The following RPH3AL variants were observed in gnomAD, a reference collection of about 807,000 sequenced individuals.
RPH3AL encodes the protein rabphilin 3A like (without C2 domains), also known as rab effector Noc2.
Under a neutral mutation model 43.1 loss-of-function variants are expected in RPH3AL, and 38 were observed. That is an observed-to-expected ratio of 0.88 (90% confidence interval 0.68 to 1.15). The LOEUF is 1.15. RPH3AL is among the 50% of genes most tolerant of loss of function. RPH3AL has a pLI of 0.00. For synonymous variants in RPH3AL, 189 were observed against 176.3 expected, an observed-to-expected ratio of 1.07 and a Z score of -0.57; for missense variants, 462 against 423.2, an observed-to-expected ratio of 1.09 and a Z score of -0.81.
intron 6 of RPH3AL, among the ~76,000 whole-genome samples, chr17:278,575 T>C (rs2042711312): frequency 6.6e-6 from 1 of 152,066 alleles, no homozygotes. Flanking sequence ...ATGCTTCAGA[T>C]CTCCATTCAA....
chr17:324,275 T>A (rs2044557348), intron 3 of RPH3AL, among the ~76,000 whole-genome samples: 1 of 152,186 alleles, frequency 6.6e-6, no homozygotes, highest in Non-Finnish European at 1.5e-5. Flanking sequence ...CCCACGTTCC[T>A]GCCTCCACCT....
rs998380925 is a variant in RPH3AL at position 289,541 on chromosome 17, A to G, written c.352-7687T>C. Among the ~76,000 whole-genome samples, 1 of 152,054 alleles carries G rather than the reference A, an allele frequency of 6.6e-6. No individual in the cohort carries two copies. The highest frequency in any genetic ancestry group is 1.5e-5 in the Non-Finnish European group (1 of 68,018). On this transcript the variant is annotated intron_variant, in intron 5 of 9. Coordinates refer to ENST00000331302, the MANE Select transcript of RPH3AL (RefSeq NM_006987.4). The surrounding 1 kb of genome is among the most constrained non-coding windows in gnomAD (Gnocchi z 5.2). ...GGTTCCCGACATGGCAGCCAGGCCGATTTTCTCAAGAGGCAAATCTAATCA... is the reference window on the plus strand; with the variant it reads ...GGTTCCCGACATGGCAGCCAGGCCGGTTTTCTCAAGAGGCAAATCTAATCA...
intron 5 of RPH3AL, among the ~76,000 whole-genome samples, chr17:303,022 C>A (rs1454624905): frequency 3.3e-5 from 5 of 152,162 alleles, no homozygotes; most frequent in Admixed American, 3.3e-4. Context: ...TATGAGGCAT[C>A]CAAGTCAGAC....
At chr17:236,940 C>T (rs1036429556) in intron 7 of RPH3AL, among the ~76,000 whole-genome samples, 1 of 152,260 alleles carries the variant, frequency 6.6e-6, no homozygotes, top group Non-Finnish European at 1.5e-5. Context: ...CCCTGGTCAG[C>T]CTTCCCCTCC....
At chr17:280,395 A>G (rs2042750032) in intron 6 of RPH3AL, among the ~76,000 whole-genome samples, 1 of 152,214 alleles carries the variant, frequency 6.6e-6, no homozygotes, top group South Asian at 2.1e-4. Context: ...GCCCAGCAGC[A>G]GCAGGGCCTG....
rs746779967 is a variant in RPH3AL, at chr17:281,748, C to T, written c.438+20G>A. The T allele has an allele frequency of 1.3e-5, 21 of 1,606,010 alleles. No individual in the cohort carries two copies. The highest frequency in any genetic ancestry group is 4.5e-5 in the East Asian group (2 of 44,834). On this transcript the variant is annotated intron_variant, in intron 6 of 9. Transcript: ENST00000331302. The stretch of plus-strand genomic sequence containing the variant: ...ATCCAGCCCACTCAGCCCTCCCCAC[C>T]GTCACCCTGGACGCCCTACCTCTCT...
chr17:319,232 A>T (rs2044389347), intron 5 of RPH3AL, among the ~76,000 whole-genome samples, 188 bp downstream of exon 5: 1 of 152,206 alleles, frequency 6.6e-6, no homozygotes, highest in African/African-American at 2.4e-5. Flanking sequence ...CCAAGCTGAG[A>T]CGCAGAGCTG....
In RPH3AL at chr17:311,243, C is replaced by T. The variant is rs181925481; in HGVS notation, c.351+8177G>A. The stretch of plus-strand genomic sequence containing the variant: ...TGGAGCATGCCCCGTCCCTCCTCCT[C>T]GGTCCACTGTTCCTAAGTCGAATCT... On this transcript the variant is annotated intron_variant, in intron 5 of 9. Transcript: ENST00000331302. Among the ~76,000 whole-genome samples the T allele has an allele frequency of 2.5e-3, 374 of 152,330 alleles. 1 individual carries two copies. Among genetic ancestry groups the T allele is most frequent in the African/African-American group, 8.2e-3 (342 of 41,566 alleles).
At chr17:220,424 T>G (rs2040939116) in intron 7 of RPH3AL, among the ~76,000 whole-genome samples, 9 of 126,756 alleles carry the variant, frequency 7.1e-5, no homozygotes, top group South Asian at 2.6e-4. Context: ...CTCGGAGGCC[T>G]CCACTCGGTG....
At chr17:305,749 A>T (rs561729363) in intron 5 of RPH3AL, among the ~76,000 whole-genome samples, 1 of 152,054 alleles carries the variant, frequency 6.6e-6, no homozygotes, top group Admixed American at 6.5e-5. Context: ...CTCCCAGGTT[A>T]CTCACATCAC....
Position 323,295 on chromosome 17 carries a change from G to A in RPH3AL, c.78-1880C>T, listed in dbSNP as rs369867140. ...AAAAACTGCAATGCCCTAGACCAAC[G>A]CTTTCCAAGCAGTGCTCACGGTGCT... On this transcript the variant is annotated intron_variant, in intron 3 of 9. Coordinates refer to ENST00000331302, the MANE Select transcript of RPH3AL (RefSeq NM_006987.4). The surrounding 1 kb of genome is among the most constrained non-coding windows in gnomAD (Gnocchi z 4.4). Among the ~76,000 whole-genome samples the A allele has an allele frequency of 2.0e-5, 3 of 151,860 alleles. No individual in the cohort carries two copies. The highest frequency in any genetic ancestry group is 1.3e-4 in the Admixed American group (2 of 15,260).
chr17:280,038 C>G (rs73278927), intron 6 of RPH3AL, among the ~76,000 whole-genome samples: 2 of 152,134 alleles, frequency 1.3e-5, no homozygotes, highest in African/African-American at 4.8e-5. Flanking sequence ...TCCAAAGACA[C>G]GGAAGTGATA....
At position 322,048 on chromosome 17, in the gene RPH3AL, A is replaced by C. The variant is rs2044496583; in HGVS notation, c.78-633T>G. Among the ~76,000 whole-genome samples, 1 of 152,154 alleles carries C rather than the reference A, an allele frequency of 6.6e-6. No homozygotes were observed. Among genetic ancestry groups the C allele is most frequent in the Non-Finnish European group, 1.5e-5 (1 of 68,008 alleles). On this transcript the variant is annotated intron_variant, in intron 3 of 9. Coordinates refer to ENST00000331302, the MANE Select transcript of RPH3AL (RefSeq NM_006987.4). The surrounding 1 kb of genome is among the most constrained non-coding windows in gnomAD (Gnocchi z 4.0). Reference sequence around the variant, plus strand: ...GTGAAGACACAGCGTTGATATGAACACTTTGAAAACTAGCAGGTTCGAGGC... The same window carrying C: ...GTGAAGACACAGCGTTGATATGAACCCTTTGAAAACTAGCAGGTTCGAGGC...
intron 6 of RPH3AL, among the ~76,000 whole-genome samples, chr17:280,819 C>T (rs886341139): frequency 5.9e-5 from 9 of 152,162 alleles, no homozygotes; most frequent in Middle Eastern, 6.8e-3. Flanking sequence ...ATGTATCCAG[C>T]GGGATTTCCA....
intron 5 of RPH3AL, among the ~76,000 whole-genome samples, chr17:292,472 C>A (rs1263276044): frequency 2.0e-5 from 3 of 152,194 alleles, no homozygotes; most frequent in Non-Finnish European, 4.4e-5. Context: ...ATTTAATTTT[C>A]AAAACAGCCC....
At chr17:306,458 T>G (rs921212461) in intron 5 of RPH3AL, 1 of 152,226 alleles carries the variant, frequency 6.6e-6, no homozygotes, top group Non-Finnish European at 1.5e-5. Context: ...GAGGAGACCG[T>G]GACCTCCCAG....
chr17:233,895 C>G (rs1159489291), intron 7 of RPH3AL, among the ~76,000 whole-genome samples: 3 of 33,416 alleles, frequency 9.0e-5, no homozygotes, highest in Admixed American at 3.2e-4. Context: ...AACTTTCCCC[C>G]AAGCGGGGAG....
At chr17:240,237 C>CAAAAAAAAA (rs56048443) in intron 7 of RPH3AL, among the ~76,000 whole-genome samples, 1 of 140,208 alleles carries the variant, frequency 7.1e-6, no homozygotes, top group Non-Finnish European at 1.6e-5. Flanking sequence ...AACTCCATCT[C>CAAAAAAAAA]AAAAAAAAAA....
intron 5 of RPH3AL, among the ~76,000 whole-genome samples, chr17:312,366 G>A (rs984187401): frequency 2.0e-5 from 3 of 152,172 alleles, no homozygotes; most frequent in African/African-American, 4.8e-5. Context: ...GAGGACACAC[G>A]GAGAAGGCAG....
Sources: gnomAD v4.1 joint callset for allele counts (sites outside exome capture counted in the v4.1 genomes callset) on GRCh38, gnomAD v4.1.1 for gene constraint, Gnocchi (gnomAD v3.1) non-coding constraint, MANE v1.5 for transcripts, NCBI Gene and HGNC (gene_info 2026-07-23, HGNC 2026-07-21) for gene names.